The following CDC42BPG variants were observed in gnomAD, a reference collection of about 807,000 sequenced individuals.
CDC42BPG encodes serine/threonine-protein kinase MRCK gamma.
CDC42BPG carries 157 observed loss-of-function variants against 192.2 expected under a neutral mutation model. That is an observed-to-expected ratio of 0.82 (90% CI 0.72 to 0.93). CDC42BPG has a LOEUF of 0.93. Ranked by LOEUF, CDC42BPG falls within the 40% of genes least tolerant of loss-of-function variation. The pLI, the probability that CDC42BPG is intolerant of heterozygous loss-of-function variation, is 0.00. For missense variants in CDC42BPG, 1,992 were observed against 2,122.1 expected (o/e 0.94, Z 1.20); for synonymous variants, 981 against 918.5 (o/e 1.07, Z -1.23).
chr11:64,838,797 G>A lies in CDC42BPG; in HGVS notation c.982C>T (p.Leu328=), dbSNP rs1335085992. 2 of 1,612,670 alleles carry A rather than the reference G, an allele frequency of 1.2e-6. No individual in the cohort carries two copies. The highest frequency in any genetic ancestry group is 2.7e-5 in the African/African-American group (2 of 74,912). The part of the protein sequence containing the change: ...RQEERLGRGG[L]DDFRNHPFFE... Reference sequence around the variant, plus strand: ...AAAGGATGGTTCCGGAAGTCATCCAGCCCACCACGGCCTAGCCGCTCTTCC... The same window carrying A: ...AAAGGATGGTTCCGGAAGTCATCCAACCCACCACGGCCTAGCCGCTCTTCC... Residue 328 remains leucine (L), a synonymous_variant, in exon 8 of 37, where the codon CTG becomes TTG. Coordinates refer to ENST00000342711, the MANE Select transcript of CDC42BPG (RefSeq NM_017525.3).
At chr11:64,826,984 A>T (rs1415527185) in intron 34 of CDC42BPG, 66 bp downstream of exon 34, 6 of 1,268,430 alleles carry the variant, frequency 4.7e-6, no homozygotes, top group African/African-American at 1.5e-5. Flanking sequence ...GCTAGAGCTC[A>T]CCACAGAGGC....
At chr11:64,835,659 A>G (rs1159247933) in intron 14 of CDC42BPG, 38 bp from the exon 15 acceptor site, 2 of 1,581,284 alleles carry the variant, frequency 1.3e-6, no homozygotes, top group South Asian at 2.3e-5. Context: ...GAGACCCAAG[A>G]TGCCATGGCC....
rs767148716 is a variant in CDC42BPG at position 64,836,815 on chromosome 11, G to A, written c.1308C>T (p.Ala436=). Reference sequence around the variant, plus strand: ...CCCGATGGTCTGTGGGGGCGTGCAGGGCCTCTGGAGGGGAGGTGGTACCCA... The same window carrying A: ...CCCGATGGTCTGTGGGGGCGTGCAGAGCCTCTGGAGGGGAGGTGGTACCCA... The part of the protein sequence containing the change: ...KVELSRKHQE[A]LHAPTDHREL... Residue 436 remains alanine (A), a synonymous_variant, in exon 11 of 37, where the codon GCC becomes GCT. Coordinates refer to ENST00000342711, the MANE Select transcript of CDC42BPG (RefSeq NM_017525.3). 1.2e-6 allele frequency: 2 copies of A among 1,608,376 alleles called. No individual in the cohort carries two copies. Among genetic ancestry groups the A allele is most frequent in the East Asian group, 2.2e-5 (1 of 44,710 alleles).
Position 64,839,091 on chromosome 11 carries a change from TC to T in CDC42BPG, c.817del (p.Glu273ArgfsTer17). 1 of 1,613,590 alleles carries T rather than the reference TC, an allele frequency of 6.2e-7. No homozygotes were observed. The highest frequency in any genetic ancestry group is 8.5e-7 in the Non-Finnish European group (1 of 1,180,034). ...GVCAYELLFG[E>X]TPFYAESLVE... ...CAAGGACTCAGCATAGAAGGGCGTC[TC>T]CCCAAAGAGCAGCTCATAGGCGCAG... On this transcript the variant is annotated frameshift_variant, in exon 7 of 37. Coordinates refer to ENST00000342711, the MANE Select transcript of CDC42BPG (RefSeq NM_017525.3). LOFTEE classifies it high-confidence loss of function.
intron 30 of CDC42BPG, among the ~76,000 whole-genome samples, chr11:64,829,255 G>A (rs187546257): frequency 1.3e-5 from 2 of 152,284 alleles, no homozygotes; most frequent in Admixed American, 6.5e-5. Flanking sequence ...GAAACAAAAG[G>A]AGAGCGGCTC....
At chr11:64,830,168 C>T in intron 29 of CDC42BPG, 26 bp downstream of exon 29, 1 of 1,613,422 alleles carries the variant, frequency 6.2e-7, no homozygotes, top group Non-Finnish European at 8.5e-7. Flanking sequence ...TGCCCACGCC[C>T]ACCCTAGCCC....
At chr11:64,826,435 A>C in intron 36 of CDC42BPG, 35 bp downstream of exon 36, 1 of 1,477,046 alleles carries the variant, frequency 6.8e-7, no homozygotes, top group Non-Finnish European at 9.3e-7. Flanking sequence ...CTGACGTTTG[A>C]ATAGGGGACG....
intron 33 of CDC42BPG, 44 bp downstream of exon 33, chr11:64,827,234 A>T: frequency 6.2e-7 from 1 of 1,613,170 alleles, no homozygotes; most frequent in East Asian, 2.2e-5. Flanking sequence ...CCACAAGCGG[A>T]GGCGGCCCCA....
In CDC42BPG at chr11:64,832,353, G is replaced by T. The variant is rs1195418958; in HGVS notation, c.3087+75C>A. ...CTGGCCCAAGAGGGCAGTATGAAGTGGGGGGACAGTGGCCAGAGCTGGGAC... is the reference window on the plus strand; with the variant it reads ...CTGGCCCAAGAGGGCAGTATGAAGTTGGGGGACAGTGGCCAGAGCTGGGAC... On this transcript the variant is annotated intron_variant, in intron 27 of 36. Transcript: ENST00000342711. 1.4e-5 allele frequency: 20 copies of T among 1,448,484 alleles called. No homozygotes were observed. In the Admixed American group the frequency reaches 1.5e-4, roughly 11 times the overall value. The allele number at this position is 1,448,484 out of a possible 1,614,324, so 89.7% of individuals were successfully genotyped here.
rs1368267677 is a variant in CDC42BPG at position 64,831,656 on chromosome 11, C to A, written c.3153G>T (p.Glu1051Asp). 1.2e-6 allele frequency: 2 copies of A among 1,610,342 alleles called. No individual in the cohort carries two copies. Reference protein sequence around the residue: ...TCTVLLLAESEGERERWLQVL... With the variant: ...TCTVLLLAESDGERERWLQVL... ...CCTGCAGCCAGCGTTCCCGCTCCCC[C>A]TCGCTCTCTGCCAGCAGCAGCACAG... The change falls in exon 28 of 37, where the codon GAG (glutamate) becomes GAT (aspartate). Residue 1051 changes from glutamate (E) to aspartate (D), a missense_variant. This residue lies in a region of CDC42BPG where 1,656 missense variants were observed against 1,844.3 expected (regional missense o/e 0.90). Coordinates refer to ENST00000342711, the MANE Select transcript of CDC42BPG (RefSeq NM_017525.3).
Position 64,823,895 on chromosome 11 carries a change from T to C in CDC42BPG, c.*578A>G, listed in dbSNP as rs1249392147. On this transcript the variant is annotated 3_prime_UTR_variant, in exon 37 of 37. Transcript: ENST00000342711. ...CTCCCCTCTTCCTCTGCACGGCTTC[T>C]ACCTCCTTCCAATTCCTATCACCTC... 6.3e-6 allele frequency: 1 copy of C among 159,310 alleles called. No homozygotes were observed. Among genetic ancestry groups the C allele is most frequent in the Non-Finnish European group, 1.4e-5 (1 of 71,968 alleles). The allele number at this position is 159,310 out of a possible 1,614,324, so 9.9% of individuals were successfully genotyped here. A position where few individuals can be genotyped will look rare whatever the true frequency, so the allele number is the denominator to read the frequency against.
At position 64,835,433 on chromosome 11, in the gene CDC42BPG, G is replaced by T; in HGVS notation, c.1881-14C>A. ...TTACCACTCGGCCTGGGGAGGAGAA[G>T]GCCAAGGCCGTGACTCACCGCCCAG... is the stretch of plus-strand genomic sequence containing the variant. On this transcript the variant is annotated splice_polypyrimidine_tract_variant and intron_variant, in intron 15 of 36. Coordinates refer to ENST00000342711, the MANE Select transcript of CDC42BPG (RefSeq NM_017525.3). 6.2e-7 allele frequency: 1 copy of T among 1,613,274 alleles called. No individual in the cohort carries two copies. The highest frequency in any genetic ancestry group is 8.5e-7 in the Non-Finnish European group (1 of 1,179,994).
intron 36 of CDC42BPG, 40 bp downstream of exon 36, chr11:64,826,430 G>C: frequency 7.0e-7 from 1 of 1,438,590 alleles, no homozygotes; most frequent in Non-Finnish European, 9.6e-7. Flanking sequence ...ACTGCCTGAC[G>C]TTTGAATAGG....
chr11:64,825,676 C>T (rs942201915), intron 36 of CDC42BPG, among the ~76,000 whole-genome samples: 11 of 152,100 alleles, frequency 7.2e-5, no homozygotes, highest in African/African-American at 2.7e-4. Context: ...GGGAACCTCC[C>T]TGGCTTCTCT....
intron 16 of CDC42BPG, 94 bp from the exon 17 acceptor site, chr11:64,835,247 A>C: frequency 6.2e-7 from 1 of 1,606,120 alleles, no homozygotes; most frequent in Non-Finnish European, 8.5e-7. Flanking sequence ...AGCCCCGTCC[A>C]TGTCCACCCT....
chr11:64,826,940 A>G (rs1445238524), intron 34 of CDC42BPG, 110 bp downstream of exon 34: 10 of 1,144,542 alleles, frequency 8.7e-6, no homozygotes, highest in Non-Finnish European at 1.3e-5. Flanking sequence ...TGTGAGTCCC[A>G]GGCCTTAGGA....
intron 7 of CDC42BPG, 49 bp from the exon 8 acceptor site, chr11:64,838,951 G>C: frequency 6.2e-7 from 1 of 1,608,192 alleles, no homozygotes; most frequent in African/African-American, 1.3e-5. Context: ...CAGGAACCCA[G>C]CCTCACCTGC....
In CDC42BPG at chr11:64,827,802, C is replaced by T. The variant is rs558484889; in HGVS notation, c.3968-19G>A. 6.3e-7 allele frequency: 1 copy of T among 1,580,506 alleles called. No homozygotes were observed. Among genetic ancestry groups the T allele is most frequent in the Admixed American group, 1.8e-5 (1 of 56,754 alleles). On this transcript the variant is annotated intron_variant, in intron 30 of 36. Transcript: ENST00000342711. ...GCATACCCTGCGGGCACGCCAGGCA[C>T]CTCTGAGCTGTTTCCCCCTCTGTTC... is the stretch of plus-strand genomic sequence containing the variant.
intron 1 of CDC42BPG, 24 bp from the exon 2 acceptor site, chr11:64,841,928 C>CAA: frequency 6.4e-7 from 1 of 1,551,910 alleles, no homozygotes; most frequent in Non-Finnish European, 8.8e-7. Context: ...GGGCGGGACT[C>CAA]AGAGTGCAGG....
Sources: allele counts gnomAD v4.1 joint callset (sites outside exome capture counted in the v4.1 genomes callset), GRCh38; gene constraint gnomAD v4.1.1; regional missense constraint gnomAD v4.1.1; transcripts MANE v1.5; gene names NCBI Gene and HGNC (gene_info 2026-07-23, HGNC 2026-07-21).